Variants in DSE observed in about 807,000 individuals in gnomAD.
DSE encodes the protein dermatan-sulfate epimerase.
Under a neutral mutation model 84.4 loss-of-function variants are expected in DSE, and 36 were observed. That is an observed-to-expected ratio of 0.43 (90% CI 0.33 to 0.56). The LOEUF (loss-of-function observed/expected upper bound fraction) is 0.56, where lower values mean the gene tolerates loss of function less well. DSE is among the 20% of genes least tolerant of loss of function. The pLI is 0.06. For missense variants in DSE, 862 were observed against 1,169.6 expected (o/e 0.74, Z 3.84); for synonymous variants, 410 against 430.1 (o/e 0.95, Z 0.58).
At chr6:116,269,247 A>G (rs1772770773) in intron 2 of DSE, among the ~76,000 whole-genome samples, 1 of 152,206 alleles carries the variant, frequency 6.6e-6, no homozygotes. Flanking sequence ...ACTCATATAC[A>G]AAATGAATAT....
intron 4 of DSE, chr6:116,433,131 A>C: frequency 1.8e-6 from 1 of 569,448 alleles, no homozygotes; most frequent in South Asian, 2.1e-5. Flanking sequence ...CATAATAAAT[A>C]CAAGCTTGCA....
chr6:116,430,979 G>A lies in DSE; in HGVS notation c.696G>A (p.Trp232Ter). Residue 232 changes from tryptophan to a stop codon, truncating the protein, a stop_gained, in exon 4 of 6, where the codon TGG becomes TGA. Coordinates refer to ENST00000644252, the MANE Select transcript of DSE (RefSeq NM_013352.4). LOFTEE classifies it high-confidence loss of function. ...NQGYLQEAYL[W>*]TKQVLTIMEK... is the part of the protein sequence containing the mutation. ...GATATCTTCAAGAAGCCTACTTATG[G>A]ACCAAACAAGTTCTGACCATCATGG... is the stretch of plus-strand genomic sequence containing the variant. 6.2e-7 allele frequency: 1 copy of A among 1,613,788 alleles called. No individual in the cohort carries two copies. Among genetic ancestry groups the A allele is most frequent in the South Asian group, 1.1e-5 (1 of 91,038 alleles).
chr6:116,309,976 A>C (rs578006934), intron 2 of DSE, among the ~76,000 whole-genome samples: 1 of 152,342 alleles, frequency 6.6e-6, no homozygotes, highest in East Asian at 1.9e-4. Flanking sequence ...CATTTAAACC[A>C]TAGCAGTCAT....
intron 2 of DSE, among the ~76,000 whole-genome samples, chr6:116,339,783 G>A (rs1001680582): frequency 6.6e-6 from 1 of 152,190 alleles, no homozygotes. Context: ...CATTCCTGGT[G>A]CTAATAAAAT....
At chr6:116,407,114 C>T (rs1781980524) in intron 2 of DSE, among the ~76,000 whole-genome samples, 1 of 152,142 alleles carries the variant, frequency 6.6e-6, no homozygotes, top group Non-Finnish European at 1.5e-5. Context: ...TATTGGGTAT[C>T]CTTAAAAAGA....
intron 2 of DSE, among the ~76,000 whole-genome samples, chr6:116,265,349 G>A (rs187281948): frequency 0.013 from 1,917 of 152,246 alleles, 21 homozygotes; most frequent in South Asian, 0.026. Context: ...GTTAGTGCAA[G>A]GGTGGGGTGC....
Position 116,443,273 on chromosome 6 carries a change from A to C in DSE, c.*5928A>C, listed in dbSNP as rs950382233. 1 of 152,208 alleles carries C rather than the reference A, an allele frequency of 6.6e-6. No homozygotes were observed. Among genetic ancestry groups the C allele is most frequent in the Non-Finnish European group, 1.5e-5 (1 of 68,036 alleles). The allele number at this position is 152,208 out of a possible 1,614,324, so 9.4% of individuals were successfully genotyped here. A position where few individuals can be genotyped will look rare whatever the true frequency, so the allele number is the denominator to read the frequency against. The stretch of plus-strand genomic sequence containing the variant: ...GAAAGATAATGAGTCAAGGATCCCT[A>C]ATGGTATATATGTCTGAGTCTTATT... On this transcript the variant is annotated 3_prime_UTR_variant, in exon 6 of 6. Coordinates refer to ENST00000644252, the MANE Select transcript of DSE (RefSeq NM_013352.4).
At position 116,338,352 on chromosome 6, in the gene DSE, A is replaced by G. The variant is rs528950262; in HGVS notation, c.-53-60846A>G. ...ATTATCCTGCCTCAGCCTCCCTAGT[A>G]GCTGGGAATACAGGTGCCTGCCACC... On this transcript the variant is annotated intron_variant, in intron 2 of 3. Transcript: ENST00000430252. 2.8e-4 allele frequency among the ~76,000 whole-genome samples: 42 copies of G among 148,980 alleles called. No homozygotes were observed. In the South Asian group the frequency reaches 8.8e-3, roughly 31 times the overall value.
intron 2 of DSE, among the ~76,000 whole-genome samples, chr6:116,284,448 G>A (rs1179290372): frequency 6.6e-5 from 10 of 152,034 alleles, no homozygotes; most frequent in African/African-American, 2.4e-4. Context: ...CCCATGATTC[G>A]AACCCAGAAA....
chr6:116,350,139 A>G (rs11753710), intron 2 of DSE, among the ~76,000 whole-genome samples: 30,171 of 152,152 alleles, frequency 0.2, 3,708 homozygotes, highest in African/African-American at 0.34. Context: ...TAAATTTTAT[A>G]TCTTGCTTTT....
At chr6:116,334,694 TA>T (rs773962938) in intron 2 of DSE, among the ~76,000 whole-genome samples, 4 of 152,096 alleles carry the variant, frequency 2.6e-5, no homozygotes, top group East Asian at 3.8e-4. Flanking sequence ...TTGAGGAACT[TA>T]AACAAATTTA....
At chr6:116,312,173 T>C (rs1231581362) in intron 2 of DSE, among the ~76,000 whole-genome samples, 2 of 152,190 alleles carry the variant, frequency 1.3e-5, no homozygotes, top group East Asian at 1.9e-4. Context: ...TGTTAGGTGA[T>C]GTGTGGAGGT....
intron 2 of DSE, among the ~76,000 whole-genome samples, chr6:116,324,875 C>T (rs1422806826): frequency 3.3e-5 from 5 of 152,176 alleles, no homozygotes; most frequent in Non-Finnish European, 7.3e-5. Context: ...TGTGTGCACT[C>T]TCCTATGTCT....
At chr6:116,278,557 G>C in intron 2 of DSE, 1 of 1,614,196 alleles carries the variant, frequency 6.2e-7, no homozygotes, top group Non-Finnish European at 8.5e-7. Context: ...GATCTCTACA[G>C]GCTCCCTTAG....
At chr6:116,322,554 C>T (rs1047387145) in intron 2 of DSE, among the ~76,000 whole-genome samples, 2 of 151,674 alleles carry the variant, frequency 1.3e-5, no homozygotes, top group Non-Finnish European at 1.5e-5. Flanking sequence ...TCTGCCCCCC[C>T]ACCCCAATTA....
chr6:116,342,841 C>A (rs758754225), intron 2 of DSE, among the ~76,000 whole-genome samples: 2 of 152,152 alleles, frequency 1.3e-5, no homozygotes, highest in African/African-American at 4.8e-5. Flanking sequence ...CGGAGCAGGG[C>A]GGGGCATCGC....
At chr6:116,386,172 A>C (rs6900245) in intron 1 of DSE, among the ~76,000 whole-genome samples, 32,493 of 152,226 alleles carry the variant, frequency 0.21, 3,643 homozygotes, top group East Asian at 0.34. Context: ...GGTGTAAGTC[A>C]GAGAAAAATA....
At chr6:116,343,323 T>A (rs563714970) in intron 2 of DSE, among the ~76,000 whole-genome samples, 1 of 152,328 alleles carries the variant, frequency 6.6e-6, no homozygotes, top group East Asian at 1.9e-4. Context: ...GAGTTTGTGA[T>A]CTGAGAATGG....
At chr6:116,354,070 C>T (rs187274752) in intron 2 of DSE, among the ~76,000 whole-genome samples, 25 of 152,206 alleles carry the variant, frequency 1.6e-4, no homozygotes, top group African/African-American at 6.0e-4. Context: ...CCTATATCTA[C>T]AGCAATACTT....
Sources: gnomAD v4.1 joint callset for allele counts (sites outside exome capture counted in the v4.1 genomes callset) on GRCh38, gnomAD v4.1.1 for gene constraint, MANE v1.5 for transcripts, NCBI Gene and HGNC (gene_info 2026-07-23, HGNC 2026-07-21) for gene names.